LPP: variants seen among roughly 807,000 people sequenced by gnomAD.
The protein encoded by LPP is lipoma-preferred partner.
Under a neutral mutation model 60.4 loss-of-function variants are expected in LPP, and 38 were observed. The observed-to-expected ratio is 0.63, with a 90% CI of 0.49 to 0.83. The LOEUF is 0.83. Among genes scored for constraint, LPP ranks in the 40% least tolerant of loss-of-function variants. The pLI, the probability that LPP is intolerant of heterozygous loss-of-function variation, is 0.00. For synonymous variants in LPP, 328 were observed against 290.8 expected, an observed-to-expected ratio of 1.13 and a Z score of -1.30; for missense variants, 902 against 783.6, an observed-to-expected ratio of 1.15 and a Z score of -1.80.
chr3:188,297,100 C>T (rs895987365), intron 2 of LPP, among the ~76,000 whole-genome samples: 45 of 152,268 alleles, frequency 3.0e-4, no homozygotes, highest in African/African-American at 1.0e-3. Flanking sequence ...AAGTGAAAAA[C>T]CAGGGGCAGT....
chr3:188,407,788 G>GTTTTTTTTTTTTT (rs869082030), intron 4 of LPP, among the ~76,000 whole-genome samples: 2 of 107,594 alleles, frequency 1.9e-5, no homozygotes, highest in African/African-American at 7.9e-5. Flanking sequence ...TTGTTTGTTT[G>GTTTTTTTTTTTTT]TTTTTTTTTT....
chr3:188,688,753 G>A (rs1861430717), intron 7 of LPP: 1 of 492,222 alleles, frequency 2.0e-6, no homozygotes, highest in African/African-American at 2.0e-5. Flanking sequence ...CATGCTTGAT[G>A]CTGAAGATAC....
chr3:188,179,264 T>A, intron 1 of LPP: 1 of 458,230 alleles, frequency 2.2e-6, no homozygotes. Context: ...CATTGCCCCC[T>A]GTCTTCGCAG....
chr3:188,873,857 A>T (rs1768806866), intron 11 of LPP, among the ~76,000 whole-genome samples: 1 of 152,038 alleles, frequency 6.6e-6, no homozygotes, highest in African/African-American at 2.4e-5. Flanking sequence ...CACCGAACCC[A>T]CTGGTGGCCC....
At chr3:188,221,530 C>T (rs927463854) in intron 1 of LPP, among the ~76,000 whole-genome samples, 1 of 152,196 alleles carries the variant, frequency 6.6e-6, no homozygotes, top group Non-Finnish European at 1.5e-5. Context: ...TGTTAACTAA[C>T]AGTTGTGCCA....
chr3:188,762,010 T>TG (rs1553837233), intron 9 of LPP, among the ~76,000 whole-genome samples: 26 of 10,216 alleles, frequency 2.5e-3, no homozygotes, highest in Non-Finnish European at 3.6e-3. Context: ...CATACTGCTG[T>TG]GTTTTTTTAT....
chr3:188,264,966 C>G (rs1423980385), intron 2 of LPP, among the ~76,000 whole-genome samples: 1 of 152,108 alleles, frequency 6.6e-6, no homozygotes, highest in African/African-American at 2.4e-5. Context: ...ATTTATTTAC[C>G]TGATCTCCTC....
intron 7 of LPP, among the ~76,000 whole-genome samples, chr3:188,615,261 C>T (rs1488181818): frequency 6.6e-6 from 1 of 152,154 alleles, no homozygotes; most frequent in Non-Finnish European, 1.5e-5. Flanking sequence ...TAATTCTCAC[C>T]TCTATGGCTT....
chr3:188,270,891 T>TTC (rs1737522005), intron 2 of LPP, among the ~76,000 whole-genome samples: 1 of 152,210 alleles, frequency 6.6e-6, no homozygotes, highest in African/African-American at 2.4e-5. Context: ...CAGACATGGG[T>TTC]TCTCAGCCCA....
intron 8 of LPP, chr3:188,711,056 A>G (rs971074474): frequency 2.0e-5 from 3 of 152,198 alleles, no homozygotes; most frequent in African/African-American, 7.2e-5. Context: ...ACAATACTCA[A>G]GGTTCTCCCA....
At chr3:188,564,265 G>A (rs1831556011) in intron 6 of LPP, among the ~76,000 whole-genome samples, 1 of 151,914 alleles carries the variant, frequency 6.6e-6, no homozygotes, top group African/African-American at 2.4e-5. Flanking sequence ...GTCCTACTGA[G>A]GGTAATTAGT....
intron 7 of LPP, among the ~76,000 whole-genome samples, chr3:188,654,120 C>T (rs1483541996): frequency 6.6e-6 from 1 of 152,130 alleles, no homozygotes; most frequent in African/African-American, 2.4e-5. Context: ...TTATGTGGAG[C>T]TAGGAAAAGT....
chr3:188,596,788 G>A (rs927255178), intron 6 of LPP, among the ~76,000 whole-genome samples: 3 of 151,964 alleles, frequency 2.0e-5, no homozygotes, highest in Non-Finnish European at 2.9e-5. Flanking sequence ...CTTTGCTTTC[G>A]GTCACCCAAA....
At chr3:188,772,846 A>G (rs9823435) in intron 9 of LPP, among the ~76,000 whole-genome samples, 53,223 of 151,644 alleles carry the variant, frequency 0.35, 9,716 homozygotes, top group Middle Eastern at 0.45. Flanking sequence ...CTCTAGCACT[A>G]TGTCTCCCCA....
At chr3:188,544,536 A>C (rs968744622) in intron 6 of LPP, among the ~76,000 whole-genome samples, 21 of 149,786 alleles carry the variant, frequency 1.4e-4, no homozygotes, top group African/African-American at 4.9e-4. Flanking sequence ...GAGAAATGCA[A>C]ATCAAAACCA....
At chr3:188,652,772 A>G (rs1852360511) in intron 7 of LPP, among the ~76,000 whole-genome samples, 1 of 152,098 alleles carries the variant, frequency 6.6e-6, no homozygotes, top group Non-Finnish European at 1.5e-5. Context: ...GTATTTGAGA[A>G]AAGAGGTATC....
chr3:188,687,522 T>C (rs1344152675), intron 7 of LPP, among the ~76,000 whole-genome samples: 1 of 152,188 alleles, frequency 6.6e-6, no homozygotes, highest in Non-Finnish European at 1.5e-5. Context: ...CTTCTCCCTC[T>C]GCTGCCACCT....
chr3:188,191,135 T>C (rs1728060315), intron 1 of LPP, among the ~76,000 whole-genome samples: 1 of 152,174 alleles, frequency 6.6e-6, no homozygotes, highest in African/African-American at 2.4e-5. Flanking sequence ...GAGGCTGAGA[T>C]GTGAGAATCA....
intron 9 of LPP, among the ~76,000 whole-genome samples, chr3:188,809,704 G>A (rs982198413): frequency 3.9e-5 from 6 of 152,076 alleles, no homozygotes; most frequent in African/African-American, 1.2e-4. Context: ...ATTTGTCAAT[G>A]TTAGCTTTTG....
Sources: gnomAD v4.1 joint callset for allele counts (sites outside exome capture counted in the v4.1 genomes callset) on GRCh38, gnomAD v4.1.1 for gene constraint, MANE v1.5 for transcripts, NCBI Gene and HGNC (gene_info 2026-07-23, HGNC 2026-07-21) for gene names.